TMEM62: variants seen among roughly 807,000 people sequenced by gnomAD.
TMEM62 encodes the protein transmembrane protein 62.
TMEM62 carries 41 observed loss-of-function variants against 70.4 expected under a neutral mutation model. That is an observed-to-expected ratio of 0.58 (90% CI 0.45 to 0.76). The LOEUF is 0.76. TMEM62 is among the 30% of genes least tolerant of loss of function. The probability of loss-of-function intolerance (pLI) is 0.00; values close to 1 mark genes in which losing one functional copy is unlikely to be tolerated. For missense variants in TMEM62, 688 were observed against 788.5 expected (o/e 0.87, Z 1.53); for synonymous variants, 268 against 291.0 (o/e 0.92, Z 0.80).
At chr15:43,142,743 A>G (rs147706686) in intron 4 of TMEM62, among the ~76,000 whole-genome samples, 3 of 151,160 alleles carry the variant, frequency 2.0e-5, no homozygotes, top group African/African-American at 7.3e-5. Flanking sequence ...ATCTCAGCTC[A>G]CTGCAATCTC....
At chr15:43,138,476 T>C (rs1042317347) in intron 3 of TMEM62, 98 bp from the exon 4 acceptor site, 5 of 996,194 alleles carry the variant, frequency 5.0e-6, no homozygotes, top group African/African-American at 1.6e-5. Context: ...GGAAGAATTG[T>C]TATAGAAAGA....
At chr15:43,164,548 C>T (rs1207837992) in intron 10 of TMEM62, among the ~76,000 whole-genome samples, 1 of 149,886 alleles carries the variant, frequency 6.7e-6, no homozygotes. Flanking sequence ...TTTGTAGAGA[C>T]GGGGTCTCAC....
intron 4 of TMEM62, among the ~76,000 whole-genome samples, chr15:43,141,694 C>T (rs995344614): frequency 2.6e-5 from 4 of 152,138 alleles, no homozygotes; most frequent in Non-Finnish European, 5.9e-5. Flanking sequence ...TGGATGTGGG[C>T]AGTCAATTGA....
At chr15:43,152,414 C>T (rs1194201184) in intron 8 of TMEM62, among the ~76,000 whole-genome samples, 4 of 150,830 alleles carry the variant, frequency 2.7e-5, no homozygotes, top group African/African-American at 9.9e-5. Context: ...TTTTGATTTT[C>T]GACAGAGTCT....
At chr15:43,176,015 C>T (rs538257518) in intron 11 of TMEM62, among the ~76,000 whole-genome samples, 1 of 152,240 alleles carries the variant, frequency 6.6e-6, no homozygotes, top group African/African-American at 2.4e-5. Flanking sequence ...TAAAAAACAG[C>T]GCACCAGCAG....
chr15:43,164,079 T>C (rs2039092202), intron 10 of TMEM62, among the ~76,000 whole-genome samples: 1 of 152,238 alleles, frequency 6.6e-6, no homozygotes, highest in African/African-American at 2.4e-5. Context: ...CCCAGTACAA[T>C]GAAAGTGGAC....
At chr15:43,180,833 T>A (rs2041262271) in intron 12 of TMEM62, 1 of 162,500 alleles carries the variant, frequency 6.2e-6, no homozygotes, top group Non-Finnish European at 1.3e-5. Context: ...TTCTGTGGAA[T>A]ACCTCTTTAC....
At chr15:43,175,596 C>G (rs2040639465) in intron 11 of TMEM62, among the ~76,000 whole-genome samples, 1 of 152,134 alleles carries the variant, frequency 6.6e-6, no homozygotes, top group Non-Finnish European at 1.5e-5. Context: ...CTTTTTGGCA[C>G]TGTATTTTAA....
chr15:43,154,830 A>G lies in TMEM62; in HGVS notation c.1181A>G (p.Gln394Arg). 6.3e-7 allele frequency: 1 copy of G among 1,594,110 alleles called. No individual in the cohort carries two copies. Among genetic ancestry groups the G allele is most frequent in the Admixed American group, 1.8e-5 (1 of 55,004 alleles). Residue 394 changes from glutamine (Q) to arginine (R), a missense_variant and splice_region_variant, in exon 9 of 14, where the codon CAG (glutamine) becomes CGG (arginine). By Grantham distance (43) the Gln-to-Arg change is conservative. Coordinates refer to ENST00000260403, the MANE Select transcript of TMEM62 (RefSeq NM_024956.4). Reference protein sequence around the residue: ...SGTHNIEVIVQDSAGRSKSVH... With the variant: ...SGTHNIEVIVRDSAGRSKSVH... ...ACACATAACATAGAAGTAATCGTCC[A>G]GGTAAGTTAGTAATTTATATTTACT...
At chr15:43,181,329 AT>A in intron 13 of TMEM62, 30 bp downstream of exon 13, 1 of 1,417,712 alleles carries the variant, frequency 7.1e-7, no homozygotes. Context: ...ATTTAAGAAC[AT>A]CTTGGACTTG....
intron 10 of TMEM62, among the ~76,000 whole-genome samples, chr15:43,167,203 C>G (rs1193505591): frequency 6.6e-6 from 1 of 150,662 alleles, no homozygotes; most frequent in Admixed American, 6.6e-5. Context: ...GTCGGCTGGC[C>G]GGGCGGGGGG....
intron 11 of TMEM62, among the ~76,000 whole-genome samples, chr15:43,172,746 T>C (rs1038686276): frequency 2.0e-5 from 3 of 152,188 alleles, no homozygotes; most frequent in Non-Finnish European, 4.4e-5. Flanking sequence ...CACATGAACT[T>C]TCAGGCATTT....
intron 3 of TMEM62, among the ~76,000 whole-genome samples, chr15:43,137,177 G>A (rs1010143717): frequency 6.6e-6 from 1 of 152,166 alleles, no homozygotes; most frequent in Non-Finnish European, 1.5e-5. Context: ...AGTCCTGATG[G>A]TAGTGTATTT....
intron 10 of TMEM62, among the ~76,000 whole-genome samples, chr15:43,165,170 C>T (rs188485508): frequency 9.2e-5 from 14 of 152,062 alleles, no homozygotes; most frequent in African/African-American, 2.7e-4. Context: ...TCTCTCTGTA[C>T]CTCCTCTTTA....
intron 10 of TMEM62, among the ~76,000 whole-genome samples, chr15:43,162,048 T>C (rs897998424): frequency 2.0e-5 from 3 of 152,204 alleles, no homozygotes; most frequent in African/African-American, 7.2e-5. Flanking sequence ...TTTTTTCCAC[T>C]GAGGAATTTG....
chr15:43,169,716 A>G lies in TMEM62; in HGVS notation c.1381+39A>G, dbSNP rs569463864. Reference sequence around the variant, plus strand: ...CCTTTTATTCCTATAAGCCTTGTTCATGGAAAAAACCAAACTCCGTAAAAT... The same window carrying G: ...CCTTTTATTCCTATAAGCCTTGTTCGTGGAAAAAACCAAACTCCGTAAAAT... On this transcript the variant is annotated intron_variant, in intron 11 of 13. Coordinates refer to ENST00000260403, the MANE Select transcript of TMEM62 (RefSeq NM_024956.4). The G allele has an allele frequency of 3.8e-6, 6 of 1,561,714 alleles. No homozygotes were observed. The South Asian group carries it at 6.9e-5, about 18-fold the overall frequency.
At chr15:43,152,778 G>GTC (rs1401499375) in intron 8 of TMEM62, among the ~76,000 whole-genome samples, 1 of 152,170 alleles carries the variant, frequency 6.6e-6, no homozygotes, top group African/African-American at 2.4e-5. Context: ...TGTTTCAAAT[G>GTC]TAAGAGCACT....
intron 10 of TMEM62, among the ~76,000 whole-genome samples, chr15:43,164,541 G>A (rs1208706949): frequency 8.1e-6 from 1 of 124,124 alleles, no homozygotes; most frequent in African/African-American, 3.1e-5. Context: ...CTTTTTTTTT[G>A]TAGAGACGGG....
chr15:43,171,542 T>A (rs900477910), intron 11 of TMEM62, among the ~76,000 whole-genome samples: 2 of 151,906 alleles, frequency 1.3e-5, no homozygotes, highest in East Asian at 1.9e-4. Flanking sequence ...TTACTTAAAA[T>A]TTTTTTATTC....
Sources: allele counts gnomAD v4.1 joint callset (sites outside exome capture counted in the v4.1 genomes callset), GRCh38; gene constraint gnomAD v4.1.1; transcripts MANE v1.5; gene names NCBI Gene and HGNC (gene_info 2026-07-23, HGNC 2026-07-21).